The following ADAMTS19 variants were observed in gnomAD, a reference collection of about 807,000 sequenced individuals.
ADAMTS19 encodes the protein ADAM metallopeptidase with thrombospondin type 1 motif 19.
A neutral mutation model predicts 153.3 loss-of-function variants in ADAMTS19; 93 were observed. The observed-to-expected ratio is 0.61, with a 90% CI of 0.51 to 0.72. ADAMTS19 has a LOEUF of 0.72. Ranked by LOEUF, ADAMTS19 falls within the 30% of genes least tolerant of loss-of-function variation. The pLI, the probability that ADAMTS19 is intolerant of heterozygous loss-of-function variation, is 0.00. For synonymous variants in ADAMTS19, 600 were observed against 556.6 expected, an observed-to-expected ratio of 1.08 and a Z score of -1.10; for missense variants, 1,482 against 1,552.1, an observed-to-expected ratio of 0.95 and a Z score of 0.76.
chr5:129,694,876 C>G, intron 19 of ADAMTS19, 21 bp downstream of exon 19: 1 of 1,529,158 alleles, frequency 6.5e-7, no homozygotes, highest in Non-Finnish European at 8.8e-7. Flanking sequence ...TCCAAGGGCC[C>G]TTAAAGCATT....
intron 21 of ADAMTS19, among the ~76,000 whole-genome samples, chr5:129,727,058 C>G (rs755828946): frequency 4.6e-5 from 7 of 152,016 alleles, no homozygotes; most frequent in Non-Finnish European, 8.8e-5. Context: ...CTCACACTTT[C>G]CATTAGCAAT....
chr5:129,703,888 A>C (rs1756024468), intron 20 of ADAMTS19, among the ~76,000 whole-genome samples: 1 of 152,202 alleles, frequency 6.6e-6, no homozygotes, highest in Non-Finnish European at 1.5e-5. Flanking sequence ...AAGTAAAATG[A>C]ATTTTTTTAC....
intron 10 of ADAMTS19, among the ~76,000 whole-genome samples, chr5:129,639,153 G>A (rs941396428): frequency 2.6e-5 from 4 of 152,122 alleles, no homozygotes; most frequent in Non-Finnish European, 4.4e-5. Context: ...AGTGGTTTCA[G>A]CAACTAAGTT....
At chr5:129,642,978 T>C (rs1752865601) in intron 11 of ADAMTS19, among the ~76,000 whole-genome samples, 1 of 152,080 alleles carries the variant, frequency 6.6e-6, no homozygotes, top group Non-Finnish European at 1.5e-5. Context: ...AATAAAAATA[T>C]TCATTAGGAG....
chr5:129,671,692 AATT>A (rs146356688), intron 16 of ADAMTS19, among the ~76,000 whole-genome samples: 5,491 of 152,188 alleles, frequency 0.036, 308 homozygotes, highest in African/African-American at 0.13. Context: ...TCTTAATTGC[AATT>A]ATTATTTGCT....
chr5:129,473,165 G>T (rs572621841), intron 2 of ADAMTS19, among the ~76,000 whole-genome samples: 17 of 149,026 alleles, frequency 1.1e-4, no homozygotes, highest in Admixed American at 6.8e-4. Context: ...GATGTCAAAT[G>T]TCCTGTAAAA....
chr5:129,724,544 CAGCATCATTATCTGGGGTAAATACCCG>C (rs1757127404), intron 21 of ADAMTS19, among the ~76,000 whole-genome samples: 1 of 152,118 alleles, frequency 6.6e-6, no homozygotes, highest in Non-Finnish European at 1.5e-5. Flanking sequence ...GAAAGTGAAG[CAGCATCATTATCTGGGGTAAATACCCG>C]AGGTTTGTTG....
At chr5:129,720,150 A>G (rs997101202) in intron 21 of ADAMTS19, among the ~76,000 whole-genome samples, 16 of 74,408 alleles carry the variant, frequency 2.2e-4, no homozygotes, top group East Asian at 4.7e-4. Context: ...GTGTGTATGT[A>G]TATATATATA....
intron 16 of ADAMTS19, among the ~76,000 whole-genome samples, 168 bp downstream of exon 16, chr5:129,665,747 A>G (rs980864213): frequency 1.3e-5 from 2 of 151,974 alleles, no homozygotes; most frequent in African/African-American, 4.8e-5. Context: ...TCTCCCAAGG[A>G]CTTCCCAGGA....
chr5:129,479,199 A>G (rs1388347465), intron 2 of ADAMTS19, among the ~76,000 whole-genome samples: 1 of 152,150 alleles, frequency 6.6e-6, no homozygotes, highest in Non-Finnish European at 1.5e-5. Flanking sequence ...CTTCAGTATT[A>G]TTTATCAGAG....
At chr5:129,521,681 G>C (rs1365002091) in intron 3 of ADAMTS19, among the ~76,000 whole-genome samples, 1 of 152,106 alleles carries the variant, frequency 6.6e-6, no homozygotes, top group African/African-American at 2.4e-5. Context: ...AAGGAAAGTA[G>C]GAGCAAGCAA....
chr5:129,679,481 A>G (rs1464180366), intron 16 of ADAMTS19, among the ~76,000 whole-genome samples: 1 of 152,226 alleles, frequency 6.6e-6, no homozygotes, highest in Non-Finnish European at 1.5e-5. Flanking sequence ...TAAATGATTA[A>G]GGACCAAAAT....
chr5:129,725,236 A>G lies in ADAMTS19; in HGVS notation c.3313-9696A>G, dbSNP rs1053521481. Among the ~76,000 whole-genome samples the G allele has an allele frequency of 3.3e-5, 5 of 152,164 alleles. No individual in the cohort carries two copies. The East Asian group carries it at 5.8e-4, about 18-fold the overall frequency. On this transcript the variant is annotated intron_variant, in intron 21 of 22. Transcript: ENST00000274487. ...AAGTAAACTTGGAAGAGGACCAAGC[A>G]GGTAACTTGAAGGACAAGTGTGCAG...
At chr5:129,735,196 T>C (rs562387697) in intron 22 of ADAMTS19, 87 bp downstream of exon 22, 7 of 1,275,968 alleles carry the variant, frequency 5.5e-6, no homozygotes, top group African/African-American at 4.6e-5. Flanking sequence ...TAAACCTTGA[T>C]AGTTGTAAAT....
chr5:129,561,525 G>A (rs10075692), intron 7 of ADAMTS19, among the ~76,000 whole-genome samples: 4,111 of 145,232 alleles, frequency 0.028, 183 homozygotes, highest in African/African-American at 0.099. Flanking sequence ...GACAGAGCGA[G>A]ACTCCGTCTC....
chr5:129,551,858 TTC>T lies in ADAMTS19; in HGVS notation c.1329-4_1329-3del. ...CTTTATTTCAGTTTTCTATTTTTCT[TTC>T]TAGGAAAGATTTCTGTGTGCACAAA... On this transcript the variant is annotated splice_polypyrimidine_tract_variant and splice_region_variant and intron_variant, in intron 6 of 22. Coordinates refer to ENST00000274487, the MANE Select transcript of ADAMTS19 (RefSeq NM_133638.6). 1 of 1,562,162 alleles carries T rather than the reference TTC, an allele frequency of 6.4e-7. No individual in the cohort carries two copies. Among genetic ancestry groups the T allele is most frequent in the South Asian group, 1.2e-5 (1 of 82,666 alleles).
intron 7 of ADAMTS19, 131 bp from the exon 8 acceptor site, chr5:129,596,428 G>C: frequency 1.7e-6 from 1 of 577,152 alleles, no homozygotes; most frequent in South Asian, 3.1e-5. Context: ...CATTTATTAG[G>C]GCTAGATTTC....
chr5:129,554,483 T>C (rs1753245021), intron 7 of ADAMTS19, among the ~76,000 whole-genome samples: 1 of 152,108 alleles, frequency 6.6e-6, no homozygotes. Flanking sequence ...TTTTTGATGG[T>C]TAGAGCTTGA....
chr5:129,628,182 T>C (rs2126994187), intron 10 of ADAMTS19, among the ~76,000 whole-genome samples: 1 of 152,190 alleles, frequency 6.6e-6, no homozygotes, highest in Admixed American at 6.6e-5. Flanking sequence ...GCCATTATCC[T>C]TAGCAAACTT....
Sources: gnomAD v4.1 joint callset for allele counts (sites outside exome capture counted in the v4.1 genomes callset) on GRCh38, gnomAD v4.1.1 for gene constraint, MANE v1.5 for transcripts, NCBI Gene and HGNC (gene_info 2026-07-23, HGNC 2026-07-21) for gene names.